The following FAT1 variants were observed in gnomAD, a reference collection of about 807,000 sequenced individuals.
The protein encoded by FAT1 is protocadherin Fat 1.
A neutral mutation model predicts 329.8 loss-of-function variants in FAT1; 171 were observed. The observed-to-expected ratio is 0.52, with a 90% confidence interval of 0.46 to 0.59. The LOEUF (loss-of-function observed/expected upper bound fraction) is 0.59, where lower values mean the gene tolerates loss of function less well. FAT1 is among the 20% of genes least tolerant of loss of function. The pLI is 0.00. For missense variants in FAT1, 5,672 were observed against 5,774.4 expected, an observed-to-expected ratio of 0.98 and a Z score of 0.57; for synonymous variants, 2,233 against 2,228.6, an observed-to-expected ratio of 1.00 and a Z score of -0.06.
At chr4:186,589,325 G>T in intron 26 of FAT1, 105 bp from the exon 27 acceptor site, 1 of 1,249,970 alleles carries the variant, frequency 8.0e-7, no homozygotes, top group Non-Finnish European at 1.1e-6. Flanking sequence ...CCGCATTTAT[G>T]CCTTCATTCA....
Position 186,597,074 on chromosome 4 carries a change from C to A in FAT1, c.12466G>T (p.Glu4156Ter), listed in dbSNP as rs199692977. Reference sequence around the variant, plus strand: ...TCCTCGCAGTGACGTCCCCTGTACTCGTGGCTGCAGTTGCAGTGATAGGAG... The same window carrying A: ...TCCTCGCAGTGACGTCCCCTGTACTAGTGGCTGCAGTTGCAGTGATAGGAG... ...HGSYHCNCSHEYRGRHCEDAA... is the reference protein window; with the variant it reads ...HGSYHCNCSH Residue 4156 changes from glutamate (E) to a stop codon, truncating the protein, a stop_gained, in exon 25 of 27, where the codon GAG (glutamate) becomes TAG (stop). Coordinates refer to ENST00000441802, the MANE Select transcript of FAT1 (RefSeq NM_005245.4). LOFTEE classifies it high-confidence loss of function. 6.2e-7 allele frequency: 1 copy of A among 1,614,026 alleles called. No individual in the cohort carries two copies. Among genetic ancestry groups the A allele is most frequent in the Non-Finnish European group, 8.5e-7 (1 of 1,179,906 alleles).
At position 186,663,413 on chromosome 4, in the gene FAT1, C is replaced by T. The variant is rs1372874619; in HGVS notation, c.3466G>A (p.Val1156Ile). 2.5e-6 allele frequency: 4 copies of T among 1,614,010 alleles called. No individual in the cohort carries two copies. The East Asian group carries it at 6.7e-5, about 27-fold the overall frequency. The part of the protein sequence containing the change: ...PEIMENSPKD[V>I]SVVQIEAFDP... ...AATGCCTCGATCTGGACCACAGATA[C>T]ATCTTTAGGAGAATTTTCCATGATT... The change falls in exon 3 of 27, where the codon GTA becomes ATA. Residue 1156 changes from valine to isoleucine, a missense_variant. Physicochemically the swap from Val to Ile is conservative, Grantham distance 29. Around this residue, in one of 2 missense-constraint regions of FAT1, gnomAD observed 3,966 missense variants for 3,915.2 expected, o/e 1.01. Transcript: ENST00000441802.
At chr4:186,689,583 G>C (rs1743646989) in intron 2 of FAT1, among the ~76,000 whole-genome samples, 3 of 146,986 alleles carry the variant, frequency 2.0e-5, no homozygotes, top group Non-Finnish European at 2.9e-5. Flanking sequence ...TTGCTTCACT[G>C]TAATATTTTT....
chr4:186,639,729 A>G lies in FAT1; in HGVS notation c.3635T>C (p.Ile1212Thr). Reference protein sequence around the residue: ...KLDREQQDEHILEVTVTDNGS... With the variant: ...KLDREQQDEHTLEVTVTDNGS... ...GATAAAAAAAAAACTTACCTCTAAT[A>G]TGTGTTCATCTTGCTGTTCTCGGTC... is the stretch of plus-strand genomic sequence containing the variant. The change falls in exon 4 of 27, where the codon ATA becomes ACA. Residue 1212 changes from isoleucine (I) to threonine (T), a missense_variant. Around this residue, in one of 2 missense-constraint regions of FAT1, gnomAD observed 3,966 missense variants for 3,915.2 expected, o/e 1.01. Coordinates refer to ENST00000441802, the MANE Select transcript of FAT1 (RefSeq NM_005245.4). 1 of 1,609,698 alleles carries G rather than the reference A, an allele frequency of 6.2e-7. No homozygotes were observed. Among genetic ancestry groups the G allele is most frequent in the Non-Finnish European group, 8.5e-7 (1 of 1,177,572 alleles).
chr4:186,719,627 C>G (rs1745374868), intron 1 of FAT1, among the ~76,000 whole-genome samples: 1 of 152,198 alleles, frequency 6.6e-6, no homozygotes, highest in Non-Finnish European at 1.5e-5. Context: ...CTAGCTCCAG[C>G]TTTGTCACTA....
chr4:186,706,103 C>A (rs1744573722), intron 2 of FAT1, among the ~76,000 whole-genome samples: 1 of 152,200 alleles, frequency 6.6e-6, no homozygotes, highest in African/African-American at 2.4e-5. Flanking sequence ...GGCACATCAT[C>A]TCTGCACTGG....
At chr4:186,610,747 A>G (rs1739410057) in intron 14 of FAT1, among the ~76,000 whole-genome samples, 1 of 143,826 alleles carries the variant, frequency 7.0e-6, no homozygotes, top group South Asian at 2.1e-4. Context: ...TATATAATTT[A>G]TATAAATATA....
chr4:186,650,525 T>C (rs1741588294), intron 3 of FAT1, among the ~76,000 whole-genome samples: 1 of 152,142 alleles, frequency 6.6e-6, no homozygotes, highest in South Asian at 2.1e-4. Context: ...ACCAGCAACA[T>C]GGGCCTCAGG....
At chr4:186,604,109 CG>C in intron 18 of FAT1, 132 bp from the exon 19 acceptor site, 2 of 746,738 alleles carry the variant, frequency 2.7e-6, no homozygotes, top group Non-Finnish European at 4.2e-6. Flanking sequence ...ACACAAGAAA[CG>C]TATCAAAGAA....
chr4:186,590,292 G>T, intron 26 of FAT1: 2 of 931,528 alleles, frequency 2.1e-6, no homozygotes, highest in Non-Finnish European at 3.0e-6. Context: ...ACCCAGCGTA[G>T]TCAGTCAGCA....
intron 2 of FAT1, among the ~76,000 whole-genome samples, chr4:186,693,280 C>T (rs10020743): frequency 0.47 from 71,027 of 152,036 alleles, 18,957 homozygotes; most frequent in Non-Finnish European, 0.61. Context: ...GAAACGCAAT[C>T]GGGTAAAAGT....
At chr4:186,627,503 T>C (rs1740371592) in intron 9 of FAT1, among the ~76,000 whole-genome samples, 1 of 151,964 alleles carries the variant, frequency 6.6e-6, no homozygotes, top group South Asian at 2.1e-4. Context: ...CCCGGAACCG[T>C]CCAGGACCGC....
At chr4:186,624,394 CCTCCGTTGA>C (rs2126533441) in intron 9 of FAT1, among the ~76,000 whole-genome samples, 1 of 152,220 alleles carries the variant, frequency 6.6e-6, no homozygotes, top group South Asian at 2.1e-4. Context: ...AGAGTGGCAC[CCTCCGTTGA>C]CTCTCAAGGC....
Position 186,628,577 on chromosome 4 carries a change from T to C in FAT1, c.4510A>G (p.Lys1504Glu), listed in dbSNP as rs763551861. 2 of 1,613,998 alleles carry C rather than the reference T, an allele frequency of 1.2e-6. No individual in the cohort carries two copies. The highest frequency in any genetic ancestry group is 1.1e-5 in the South Asian group (1 of 91,080). Residue 1504 changes from lysine (K) to glutamate (E), a missense_variant, in exon 8 of 27, where the codon AAA becomes GAA. Around this residue, in one of 2 missense-constraint regions of FAT1, gnomAD observed 3,966 missense variants for 3,915.2 expected, o/e 1.01. Coordinates refer to ENST00000441802, the MANE Select transcript of FAT1 (RefSeq NM_005245.4). ...CCGGTTGCAGGATCAAGACGAAATTTCTTGAGACTCAGTGGATCTCTACTG... is the reference window on the plus strand; with the variant it reads ...CCGGTTGCAGGATCAAGACGAAATTCCTTGAGACTCAGTGGATCTCTACTG... ...QSSRDPLSLKKFRLDPATGSL... is the reference protein window; with the variant it reads ...QSSRDPLSLKEFRLDPATGSL...
Position 186,618,163 on chromosome 4 carries a change from A to G in FAT1, c.8423T>C (p.Val2808Ala), listed in dbSNP as rs776007632. The part of the protein sequence containing the change: ...QVKDANDNSP[V>A]FESSPYEAFI... ...TGCCTCATATGGACTAGATTCAAAG[A>G]CCGGGCTGTTGTCATTTGCATCTTT... is the stretch of plus-strand genomic sequence containing the variant. Residue 2808 changes from valine (V) to alanine (A), a missense_variant, in exon 10 of 27, where the codon GTC (valine) becomes GCC (alanine). Transcript: ENST00000441802. 50 of 1,614,014 alleles carry G rather than the reference A, an allele frequency of 3.1e-5. No individual in the cohort carries two copies. In the Middle Eastern group the frequency reaches 8.2e-4, roughly 27 times the overall value.
At position 186,706,918 on chromosome 4, in the gene FAT1, T is replaced by C; in HGVS notation, c.2910A>G (p.Gly970=). ...GQVRYSLLDH[G]EGNFDVDKLS... is the part of the protein sequence containing the mutation. ...GTTTATCCACATCGAAGTTTCCTTC[T>C]CCGTGGTCCAGAAGGCTGTATCTCA... Residue 970 remains glycine (G), a synonymous_variant, in exon 2 of 27, where the codon GGA becomes GGG. Transcript: ENST00000441802. 4 of 1,614,016 alleles carry C rather than the reference T, an allele frequency of 2.5e-6. No homozygotes were observed. Among genetic ancestry groups the C allele is most frequent in the Non-Finnish European group, 3.4e-6 (4 of 1,179,892 alleles).
intron 3 of FAT1, among the ~76,000 whole-genome samples, chr4:186,653,415 A>T (rs1741759745): frequency 1.3e-5 from 2 of 152,236 alleles, no homozygotes; most frequent in African/African-American, 4.8e-5. Flanking sequence ...CAACCAAGAG[A>T]AGTGAAATAC....
intron 26 of FAT1, among the ~76,000 whole-genome samples, chr4:186,593,070 CTTATTT>C (rs1286882455): frequency 1.3e-5 from 2 of 152,164 alleles, no homozygotes; most frequent in Non-Finnish European, 2.9e-5. Flanking sequence ...CAAAACGATT[CTTATTT>C]TAACATCTTA....
chr4:186,637,792 G>A (rs890615306), intron 4 of FAT1, among the ~76,000 whole-genome samples: 1 of 152,150 alleles, frequency 6.6e-6, no homozygotes, highest in Non-Finnish European at 1.5e-5. Context: ...ACTAAAAACG[G>A]TCAAGGAGAC....
Sources: allele counts gnomAD v4.1 joint callset (sites outside exome capture counted in the v4.1 genomes callset), GRCh38; gene constraint gnomAD v4.1.1; regional missense constraint gnomAD v4.1.1; transcripts MANE v1.5; gene names NCBI Gene and HGNC (gene_info 2026-07-23, HGNC 2026-07-21).